ANAPC2: variants seen among roughly 807,000 people sequenced by gnomAD.
ANAPC2 encodes anaphase-promoting complex subunit 2.
Under a neutral mutation model 84.3 loss-of-function variants are expected in ANAPC2, and 29 were observed. The observed-to-expected ratio is 0.34, with a 90% CI of 0.26 to 0.47. ANAPC2 has a LOEUF of 0.47. Ranked by LOEUF, ANAPC2 falls within the 20% of genes least tolerant of loss-of-function variation. ANAPC2 has a pLI of 1.00. For missense variants in ANAPC2, 857 were observed against 1,131.7 expected, an observed-to-expected ratio of 0.76 and a Z score of 3.48; for synonymous variants, 571 against 479.4, an observed-to-expected ratio of 1.19 and a Z score of -2.50.
At chr9:137,178,620 G>A (rs917553930) in intron 10 of ANAPC2, among the ~76,000 whole-genome samples, 3 of 152,206 alleles carry the variant, frequency 2.0e-5, no homozygotes, top group South Asian at 4.1e-4. Context: ...CACGGTGCCC[G>A]CAGGCTCCAG....
intron 10 of ANAPC2, chr9:137,176,101 C>T (rs772264443): frequency 7.3e-6 from 3 of 412,718 alleles, no homozygotes; most frequent in African/African-American, 6.0e-5. Flanking sequence ...GGAAATGTGG[C>T]CATATTTGCA....
chr9:137,180,416 CG>C (rs762609231), intron 9 of ANAPC2, 32 bp from the exon 10 acceptor site: 1 of 1,612,498 alleles, frequency 6.2e-7, no homozygotes, highest in Admixed American at 1.7e-5. Flanking sequence ...GGGGGACCTG[CG>C]GGGCGGCCGG....
In ANAPC2 at chr9:137,175,738, C is replaced by T. The variant is rs1282598674; in HGVS notation, c.1990G>A (p.Ala664Thr). 8 of 1,612,094 alleles carry T rather than the reference C, an allele frequency of 5.0e-6. No homozygotes were observed. Among genetic ancestry groups the T allele is most frequent in the African/African-American group, 2.7e-5 (2 of 74,944 alleles). The change falls in exon 11 of 13, where the codon GCG (alanine) becomes ACG (threonine). Residue 664 changes from alanine (A) to threonine (T), a missense_variant. Coordinates refer to ENST00000323927, the MANE Select transcript of ANAPC2 (RefSeq NM_013366.4). Reference protein sequence around the residue: ...TLSVAVTPVQAVILLYFQDQA... With the variant: ...TLSVAVTPVQTVILLYFQDQA... Reference sequence around the variant, plus strand: ...TCCTGAAAATACAGCAAGATCACCGCCTGTACTGGGGTGACCGCCACAGAC... The same window carrying T: ...TCCTGAAAATACAGCAAGATCACCGTCTGTACTGGGGTGACCGCCACAGAC...
chr9:137,188,367 C>G, intron 1 of ANAPC2, 49 bp downstream of exon 1: 1 of 1,565,076 alleles, frequency 6.4e-7, no homozygotes, highest in East Asian at 2.3e-5. Flanking sequence ...AAAGCGCGTA[C>G]GGTCCCGGAA....
intron 6 of ANAPC2, among the ~76,000 whole-genome samples, chr9:137,182,841 G>A (rs990742441): frequency 6.6e-6 from 1 of 152,246 alleles, no homozygotes; most frequent in African/African-American, 2.4e-5. Flanking sequence ...CCAAGTGGAA[G>A]AGCTTCTCTC....
intron 10 of ANAPC2, chr9:137,177,024 G>A (rs1316917705): frequency 2.0e-5 from 3 of 152,256 alleles, no homozygotes; most frequent in Admixed American, 6.5e-5. Flanking sequence ...CTAGACATGA[G>A]GTGTGACCTG....
Position 137,186,244 on chromosome 9 carries a change from A to G in ANAPC2, c.853T>C (p.Phe285Leu). 1 of 1,612,690 alleles carries G rather than the reference A, an allele frequency of 6.2e-7. No homozygotes were observed. ...DRCRGEYERS[F>L]LREFHKWIER... ...CTCACCTTGTGGAACTCACGCAGGAAGGAGCGCTCGTACTCGCCCCGGCAA... is the reference window on the plus strand; with the variant it reads ...CTCACCTTGTGGAACTCACGCAGGAGGGAGCGCTCGTACTCGCCCCGGCAA... The change falls in exon 3 of 13, where the codon TTC becomes CTC. Residue 285 changes from phenylalanine to leucine, a missense_variant. Phe to Leu is a conservative substitution (Grantham distance 22). This residue lies in a region of ANAPC2 where 428 missense variants were observed against 513.8 expected (regional missense o/e 0.83). Transcript: ENST00000323927.
chr9:137,184,623 A>G (rs1405882122), intron 4 of ANAPC2, among the ~76,000 whole-genome samples: 1 of 144,636 alleles, frequency 6.9e-6, no homozygotes, highest in East Asian at 2.1e-4. Context: ...AGACGCAGAC[A>G]GAGCAGACAC....
intron 2 of ANAPC2, chr9:137,186,633 T>C (rs551095536): frequency 1.0e-4 from 49 of 467,450 alleles, no homozygotes; most frequent in African/African-American, 8.3e-4. Context: ...ATGTGATCAG[T>C]GGCAGCAGGT....
At chr9:137,184,682 G>A (rs1259511186) in intron 4 of ANAPC2, among the ~76,000 whole-genome samples, 1 of 131,530 alleles carries the variant, frequency 7.6e-6, no homozygotes, top group African/African-American at 2.7e-5. Context: ...CCCAGACGCA[G>A]ACACAGAGCA....
intron 1 of ANAPC2, 72 bp downstream of exon 1, chr9:137,188,344 G>C: frequency 6.7e-7 from 1 of 1,496,396 alleles, no homozygotes; most frequent in Admixed American, 2.0e-5. Flanking sequence ...ATGAACCCGA[G>C]GGTAGCGGCC....
rs764594059 is a variant in ANAPC2 at position 137,174,919 on chromosome 9, C to T, written c.*23G>A. The T allele has an allele frequency of 5.2e-4, 213 of 405,906 alleles. No individual in the cohort carries two copies. Among genetic ancestry groups the T allele is most frequent in the Admixed American group, 3.1e-3 (72 of 23,128 alleles). 25.1% of individuals were successfully genotyped at this position (405,906 alleles called of 1,614,324 possible). A position where few individuals can be genotyped will look rare whatever the true frequency, so the allele number is the denominator to read the frequency against. ...CACCTGCAGGGCAGCGCCTGGCGGG[C>T]GGGCGGGCGGGCGGGCGATGTGTCA... On this transcript the variant is annotated 3_prime_UTR_variant, in exon 13 of 13. Coordinates refer to ENST00000323927, the MANE Select transcript of ANAPC2 (RefSeq NM_013366.4). The surrounding 1 kb of genome is among the most constrained non-coding windows in gnomAD (Gnocchi z 6.1).
At chr9:137,182,038 C>G (rs1265839626) in intron 6 of ANAPC2, among the ~76,000 whole-genome samples, 176 bp from the exon 7 acceptor site, 1 of 152,122 alleles carries the variant, frequency 6.6e-6, no homozygotes, top group Non-Finnish European at 1.5e-5. Context: ...ACAAATAAAC[C>G]CAACGTTACT....
chr9:137,181,073 C>T (rs1238685380), intron 7 of ANAPC2, 144 bp from the exon 8 acceptor site: 1 of 1,046,070 alleles, frequency 9.6e-7, no homozygotes, highest in Non-Finnish European at 1.4e-6. Context: ...CCCTGAGCCT[C>T]CCGGGAGACC....
rs371949799 is a variant in ANAPC2, at chr9:137,175,406, A to G, written c.2087T>C (p.Met696Thr). The G allele has an allele frequency of 6.2e-7, 1 of 1,607,884 alleles. No homozygotes were observed. Among genetic ancestry groups the G allele is most frequent in the Non-Finnish European group, 8.5e-7 (1 of 1,178,086 alleles). The change falls in exon 12 of 13, where the codon ATG becomes ACG. Residue 696 changes from methionine to threonine, a missense_variant. Physicochemically the swap from Met to Thr is moderately conservative, Grantham distance 81. Coordinates refer to ENST00000323927, the MANE Select transcript of ANAPC2 (RefSeq NM_013366.4). The stretch of plus-strand genomic sequence containing the variant: ...CACACCCTGCTGCAGCCACACGGAC[A>G]TCCGCCGCCGCAGCAGCGCCACGGG... ...KMPVALLRRR[M>T]SVWLQQGVLR... is the part of the protein sequence containing the mutation.
In ANAPC2 at chr9:137,183,117, GC is replaced by G; in HGVS notation, c.1286+7del. On this transcript the variant is annotated splice_region_variant and intron_variant, in intron 6 of 12. Coordinates refer to ENST00000323927, the MANE Select transcript of ANAPC2 (RefSeq NM_013366.4). ...CCCAGTGGCTCCTGGGCCAGCTGCA[GC>G]CCTCACCTCAGGTAGCGGCGGATAG... 1 of 1,608,452 alleles carries G rather than the reference GC, an allele frequency of 6.2e-7. No homozygotes were observed. Among genetic ancestry groups the G allele is most frequent in the Non-Finnish European group, 8.5e-7 (1 of 1,176,030 alleles).
chr9:137,180,307 C>T lies in ANAPC2; in HGVS notation c.1764G>A (p.Pro588=), dbSNP rs779531915. The T allele has an allele frequency of 8.1e-6, 13 of 1,613,376 alleles. No individual in the cohort carries two copies. The highest frequency in any genetic ancestry group is 6.7e-5 in the East Asian group (3 of 44,900). Residue 588 remains proline (P), a synonymous_variant, in exon 10 of 13, where the codon CCG becomes CCA. Transcript: ENST00000323927. The part of the protein sequence containing the change: ...DEKRPAEEQP[P]FGVYAVILSS... ...ACAGGATGACAGCGTAGACCCCGAA[C>T]GGTGGCTGCTCCTCTGCTGGCCGCT...
At chr9:137,178,624 G>A (rs1187980334) in intron 10 of ANAPC2, among the ~76,000 whole-genome samples, 1 of 152,190 alleles carries the variant, frequency 6.6e-6, no homozygotes, top group Admixed American at 6.5e-5. Context: ...GTGCCCGCAG[G>A]CTCCAGAGAC....
rs534459877 is a variant in ANAPC2 at position 137,187,859 on chromosome 9, C to T, written c.362G>A (p.Arg121His). The change falls in exon 2 of 13, where the codon CGC (arginine) becomes CAC (histidine). Residue 121 changes from arginine to histidine, a missense_variant. Arg to His is a conservative substitution (Grantham distance 29). Around this residue, in one of 3 missense-constraint regions of ANAPC2, gnomAD observed 428 missense variants for 513.8 expected, o/e 0.83. Transcript: ENST00000323927. The part of the protein sequence containing the change: ...LLDAFGLLES[R>H]LDPYLRSLEL... ...TAGGCTACGCAGGTAGGGATCCAGG[C>T]GGCTCTCCAGCAGGCCAAAAGCGTC... is the stretch of plus-strand genomic sequence containing the variant. The T allele has an allele frequency of 6.2e-7, 1 of 1,613,606 alleles. No homozygotes were observed. The highest frequency in any genetic ancestry group is 1.3e-5 in the African/African-American group (1 of 75,048).
Sources: gnomAD v4.1 joint callset for allele counts (sites outside exome capture counted in the v4.1 genomes callset) on GRCh38, gnomAD v4.1.1 for gene constraint, gnomAD v4.1.1 regional missense constraint, Gnocchi (gnomAD v3.1) non-coding constraint, MANE v1.5 for transcripts, NCBI Gene and HGNC (gene_info 2026-07-23, HGNC 2026-07-21) for gene names.